The following ITPR2 variants were observed in gnomAD, a reference collection of about 807,000 sequenced individuals.
The protein encoded by ITPR2 is inositol 1,4,5-trisphosphate-gated calcium channel ITPR2.
A neutral mutation model predicts 317.1 loss-of-function variants in ITPR2; 207 were observed. The ratio of observed to expected loss-of-function variants is 0.65; its 90% CI spans 0.58 to 0.73. The LOEUF (loss-of-function observed/expected upper bound fraction) is 0.73. Ranked by LOEUF, ITPR2 falls within the 30% of genes least tolerant of loss-of-function variation. ITPR2 has a pLI of 0.00. For synonymous variants in ITPR2, 1,156 were observed against 1,149.1 expected (o/e 1.01, Z -0.12); for missense variants, 2,613 against 3,284.0 (o/e 0.80, Z 4.99).
At chr12:26,737,926 G>A (rs544324683) in intron 2 of ITPR2, among the ~76,000 whole-genome samples, 83 of 152,234 alleles carry the variant, frequency 5.5e-4, no homozygotes, top group African/African-American at 1.9e-3. Context: ...AGTTTGGTAA[G>A]ATACTCCCAG....
chr12:26,364,371 T>G (rs954018929), intron 55 of ITPR2, among the ~76,000 whole-genome samples: 1 of 152,204 alleles, frequency 6.6e-6, no homozygotes, highest in Non-Finnish European at 1.5e-5. Flanking sequence ...GGGCCTAAAA[T>G]AATTCCTGGC....
rs909371492 is a variant in ITPR2, at chr12:26,411,350, A to T, written c.7369T>A (p.Cys2457Ser). ...TMMEACAKEN[C>S]SPTIPASNTA... Reference sequence around the variant, plus strand: ...TTTGAAGCTGGAATTGTGGGTGAACAGTTCTCCTTGGCACATGCTTCCATC... The same window carrying T: ...TTTGAAGCTGGAATTGTGGGTGAACTGTTCTCCTTGGCACATGCTTCCATC... The change falls in exon 52 of 57, where the codon TGT (cysteine) becomes AGT (serine). Residue 2457 changes from cysteine to serine, a missense_variant. Cys to Ser is a moderately radical substitution (Grantham distance 112, BLOSUM62 -1). This residue lies in a region of ITPR2 where 113 missense variants were observed against 129.2 expected (regional missense o/e 0.87). Coordinates refer to ENST00000381340, the MANE Select transcript of ITPR2 (RefSeq NM_002223.4). 11 of 1,613,544 alleles carry T rather than the reference A, an allele frequency of 6.8e-6. No individual in the cohort carries two copies. In the African/African-American group the frequency reaches 1.5e-4, roughly 22 times the overall value.
chr12:26,702,414 G>GGTGGTGTTTTTTTTTTTTTTTTTT (rs1948462255), intron 9 of ITPR2, among the ~76,000 whole-genome samples: 1 of 108,152 alleles, frequency 9.2e-6, no homozygotes, highest in Non-Finnish European at 1.9e-5. Flanking sequence ...GGGGTGGGGG[G>GGTGGTGTTTTTTTTTTTTTTTTTT]TTGGTGTTTT....
rs764578018 is a variant in ITPR2, at chr12:26,777,319, T to A, written c.163+12838A>T. ...GTCCAGAAGATCTACCCTTGACCAA[T>A]GCTTTGTGAAACAGATTTGTGAGGG... is the stretch of plus-strand genomic sequence containing the variant. On this transcript the variant is annotated intron_variant, in intron 2 of 56. Coordinates refer to ENST00000381340, the MANE Select transcript of ITPR2 (RefSeq NM_002223.4). Among the ~76,000 whole-genome samples, 186 of 152,314 alleles carry A rather than the reference T, an allele frequency of 1.2e-3. 3 individuals carry two copies. The highest frequency in any genetic ancestry group is 3.2e-4 in the Non-Finnish European group (22 of 68,028).
rs920072668 is a variant in ITPR2, at chr12:26,586,076, G to A, written c.4381-5921C>T. ...GAGTTTTTCTTATAAATACATATAA[G>A]TTCTTCATGTGATGGTTATTACCCT... is the stretch of plus-strand genomic sequence containing the variant. On this transcript the variant is annotated intron_variant, in intron 32 of 56. Coordinates refer to ENST00000381340, the MANE Select transcript of ITPR2 (RefSeq NM_002223.4). 5.6e-4 allele frequency among the ~76,000 whole-genome samples: 85 copies of A among 151,976 alleles called. 1 individual carries two copies. The highest frequency in any genetic ancestry group is 1.3e-4 in the Non-Finnish European group (9 of 68,006).
At chr12:26,479,144 G>GAA (rs11322201) in intron 43 of ITPR2, among the ~76,000 whole-genome samples, 9 of 140,886 alleles carry the variant, frequency 6.4e-5, no homozygotes, top group East Asian at 2.0e-4. Flanking sequence ...CATTCACTAA[G>GAA]AAAAAAAAAA....
intron 2 of ITPR2, among the ~76,000 whole-genome samples, chr12:26,735,703 G>A (rs1949108832): frequency 6.6e-6 from 1 of 152,250 alleles, no homozygotes; most frequent in African/African-American, 2.4e-5. Context: ...GTCTGCACAT[G>A]TGTACAGGTT....
At chr12:26,370,654 T>C (rs897178431) in intron 55 of ITPR2, among the ~76,000 whole-genome samples, 1 of 143,910 alleles carries the variant, frequency 6.9e-6, no homozygotes, top group African/African-American at 2.4e-5. Context: ...CACGAATTTA[T>C]TTTTGTTGTT....
chr12:26,505,119 T>C (rs1020220131), intron 37 of ITPR2, among the ~76,000 whole-genome samples: 1 of 152,230 alleles, frequency 6.6e-6, no homozygotes, highest in Admixed American at 6.5e-5. Flanking sequence ...TAATGCTTTA[T>C]AGCTAAAATT....
rs146441958 is a variant in ITPR2, at chr12:26,700,508, T to C, written c.952-4858A>G. Among the ~76,000 whole-genome samples the C allele has an allele frequency of 3.0e-3, 454 of 152,372 alleles. 2 individuals carry two copies. The highest frequency in any genetic ancestry group is 0.011 in the African/African-American group (442 of 41,592). On this transcript the variant is annotated intron_variant, in intron 9 of 56. Transcript: ENST00000381340. The stretch of plus-strand genomic sequence containing the variant: ...CTTGGAGTACATCAACTGAAGTGCT[T>C]TATGCAAAGTCACACCGCTGGGGAG...
chr12:26,395,403 C>T, intron 54 of ITPR2, among the ~76,000 whole-genome samples: 1 of 152,076 alleles, frequency 6.6e-6, no homozygotes, highest in East Asian at 1.9e-4. Context: ...AGAATTCTGA[C>T]CGAGAAGGGA....
At chr12:26,822,853 A>T (rs2137296645) in intron 1 of ITPR2, among the ~76,000 whole-genome samples, 1 of 152,368 alleles carries the variant, frequency 6.6e-6, no homozygotes, top group East Asian at 1.9e-4. Context: ...AAATAAGCAT[A>T]AAATAGGTTC....
intron 22 of ITPR2, 130 bp from the exon 23 acceptor site, chr12:26,628,292 A>G: frequency 1.7e-6 from 1 of 604,952 alleles, no homozygotes. Context: ...TTTTAACACC[A>G]GTTGCCACAT....
chr12:26,759,508 A>G (rs916978662), intron 2 of ITPR2, among the ~76,000 whole-genome samples: 3 of 152,206 alleles, frequency 2.0e-5, no homozygotes, highest in African/African-American at 4.8e-5. Context: ...ATTATATCTT[A>G]CCTAAGGAAA....
intron 13 of ITPR2, among the ~76,000 whole-genome samples, chr12:26,667,263 A>G (rs963196388): frequency 2.6e-5 from 4 of 152,264 alleles, no homozygotes; most frequent in Admixed American, 6.5e-5. Context: ...TCCTGATCCT[A>G]TCTCCCGATT....
At chr12:26,495,039 A>G in intron 38 of ITPR2, 113 bp downstream of exon 38, 1 of 686,722 alleles carries the variant, frequency 1.5e-6, no homozygotes. Context: ...TTTAACAGTG[A>G]TTTTTAAATG....
At chr12:26,718,454 T>C (rs1202812610) in intron 5 of ITPR2, among the ~76,000 whole-genome samples, 1 of 151,898 alleles carries the variant, frequency 6.6e-6, no homozygotes, top group Admixed American at 6.6e-5. Context: ...TAGTTGTCTG[T>C]AAGCTTTGGG....
intron 2 of ITPR2, among the ~76,000 whole-genome samples, chr12:26,782,266 T>C (rs1249676732): frequency 6.6e-6 from 1 of 151,776 alleles, no homozygotes; most frequent in Non-Finnish European, 1.5e-5. Flanking sequence ...AAATGCACTA[T>C]GTTCAGTTCT....
At position 26,578,706 on chromosome 12, in the gene ITPR2, G is replaced by T; in HGVS notation, c.4630+7C>A. On this transcript the variant is annotated splice_region_variant and intron_variant, in intron 34 of 56. Transcript: ENST00000381340. Reference sequence around the variant, plus strand: ...TAAAAATAAGTAAAACTCAAACTATGACTTACCCACTTCAGCCAAAGTTCT... The same window carrying T: ...TAAAAATAAGTAAAACTCAAACTATTACTTACCCACTTCAGCCAAAGTTCT... 6.3e-7 allele frequency: 1 copy of T among 1,593,602 alleles called. No individual in the cohort carries two copies. The highest frequency in any genetic ancestry group is 1.1e-5 in the South Asian group (1 of 88,052).
Sources: gnomAD v4.1 joint callset for allele counts (sites outside exome capture counted in the v4.1 genomes callset) on GRCh38, gnomAD v4.1.1 for gene constraint, gnomAD v4.1.1 regional missense constraint, MANE v1.5 for transcripts, NCBI Gene and HGNC (gene_info 2026-07-23, HGNC 2026-07-21) for gene names.